Variants in MXRA8 observed in about 807,000 individuals in gnomAD.
MXRA8 encodes the protein matrix remodeling-associated protein 8.
MXRA8 carries 44 observed loss-of-function variants against 51.4 expected under a neutral mutation model. The ratio of observed to expected loss-of-function variants is 0.86; its 90% CI spans 0.67 to 1.10. The LOEUF is 1.10. MXRA8 is among the 50% of genes least tolerant of loss of function. MXRA8 has a pLI of 0.00. For synonymous variants in MXRA8, 369 were observed against 293.5 expected (o/e 1.26, Z -2.63); for missense variants, 765 against 638.9 (o/e 1.20, Z -2.13).
upstream of MXRA8, among the ~76,000 whole-genome samples, chr1:1,363,305 G>GTC (rs910730966): frequency 2.0e-5 from 3 of 152,142 alleles, no homozygotes; most frequent in African/African-American, 7.2e-5. Context: ...AAAGGACAGG[G>GTC]TCTCACTGTG....
At chr1:1,361,060 A>G (rs2100827806), upstream of MXRA8, among the ~76,000 whole-genome samples, 1 of 152,134 alleles carries the variant, frequency 6.6e-6, no homozygotes. Context: ...ACACAGATAC[A>G]TGGAAACACG....
chr1:1,360,540 C>G (rs531545236), upstream of MXRA8, among the ~76,000 whole-genome samples: 22 of 144,484 alleles, frequency 1.5e-4, no homozygotes, highest in Non-Finnish European at 2.9e-4. Context: ...TGACTTAATT[C>G]CCAGCCTGGC....
At position 1,355,347 on chromosome 1, in the gene MXRA8, T is replaced by C; in HGVS notation, c.377-2A>G. 2 of 1,572,830 alleles carry C rather than the reference T, an allele frequency of 1.3e-6. No individual in the cohort carries two copies. Among genetic ancestry groups the C allele is most frequent in the Non-Finnish European group, 1.7e-6 (2 of 1,163,706 alleles). ...GCCCCGCGTCCGTCTCCTCCACCGC[T>C]GCGCACCCAGGAGGAAGCCGCGCGT... On this transcript the variant is annotated splice_acceptor_variant, in intron 3 of 9. Transcript: ENST00000309212. LOFTEE classifies it high-confidence loss of function.
At chr1:1,363,089 A>G (rs910636024), upstream of MXRA8, among the ~76,000 whole-genome samples, 6 of 152,034 alleles carry the variant, frequency 3.9e-5, no homozygotes, top group Non-Finnish European at 8.8e-5. Context: ...CTCAAAAAAA[A>G]AAAAAGAAAG....
chr1:1,362,110 A>G (rs1257254667), upstream of MXRA8, among the ~76,000 whole-genome samples: 1 of 152,158 alleles, frequency 6.6e-6, no homozygotes, highest in Non-Finnish European at 1.5e-5. Flanking sequence ...CCCGGCAGCC[A>G]TGGCCTGCAT....
Position 1,354,107 on chromosome 1 carries a change from C to T in MXRA8, c.1146-1G>A. 2 of 1,612,932 alleles carry T rather than the reference C, an allele frequency of 1.2e-6. No individual in the cohort carries two copies. Among genetic ancestry groups the T allele is most frequent in the Non-Finnish European group, 1.7e-6 (2 of 1,179,990 alleles). On this transcript the variant is annotated splice_acceptor_variant, in intron 7 of 9. Transcript: ENST00000309212. LOFTEE classifies it high-confidence loss of function. ...GAACTCCGCCAAGTTAACATCCTTC[C>T]TGGATGGCGAGGGTGGGAGGAGGTT...
At chr1:1,362,428 G>A (rs574757232), upstream of MXRA8, among the ~76,000 whole-genome samples, 2 of 151,814 alleles carry the variant, frequency 1.3e-5, no homozygotes, top group South Asian at 4.2e-4. Flanking sequence ...CACACACATC[G>A]CCCCGGAATC....
At position 1,354,776 on chromosome 1, in the gene MXRA8, G is replaced by A; in HGVS notation, c.855C>T (p.Arg285=). The A allele has an allele frequency of 6.2e-7, 1 of 1,611,982 alleles. No homozygotes were observed. Among genetic ancestry groups the A allele is most frequent in the Non-Finnish European group, 8.5e-7 (1 of 1,179,598 alleles). ...GTTCGGCGACCGTCAGGTGGAAGAC[G>A]CGGCGTTCGTGCAGGCCACAGTAAT... The part of the protein sequence containing the change: ...HHHYCGLHER[R]VFHLTVAEPH... The change falls in exon 5 of 10, where the codon CGC becomes CGT. Residue 285 remains arginine, a synonymous_variant. Transcript: ENST00000309212.
chr1:1,361,847 C>CT (rs199616947), upstream of MXRA8: 2,038 of 161,998 alleles, frequency 0.013, 65 homozygotes, highest in African/African-American at 0.046. Context: ...CCAGGAACCC[C>CT]TGCGGGCTAA....
chr1:1,354,913 G>T lies in MXRA8; in HGVS notation c.718C>A (p.Arg240Ser). Reference protein sequence around the residue: ...ERRAYGPLFLRDRVAVGADAF... With the variant: ...ERRAYGPLFLSDRVAVGADAF... ...TCCGCGCCCACAGCCACGCGGTCGC[G>T]CAGAAAAAGGGGCCCGTAGGCGCGG... is the stretch of plus-strand genomic sequence containing the variant. Residue 240 changes from arginine to serine, a missense_variant, in exon 5 of 10, where the codon CGC becomes AGC. By Grantham distance (110) the Arg-to-Ser change is moderately radical. Transcript: ENST00000309212. 1 of 1,609,178 alleles carries T rather than the reference G, an allele frequency of 6.2e-7. No individual in the cohort carries two copies. The highest frequency in any genetic ancestry group is 8.5e-7 in the Non-Finnish European group (1 of 1,178,406).
At chr1:1,358,590 AC>A (rs1644179354), upstream of MXRA8, 1 of 1,514,144 alleles carries the variant, frequency 6.6e-7, no homozygotes, top group Admixed American at 2.2e-5. Flanking sequence ...CCTCCTTAGC[AC>A]CCGCGGTGAC....
intron 1 of MXRA8, among the ~76,000 whole-genome samples, 165 bp from the exon 2 acceptor site, chr1:1,356,869 G>T (rs939599589): frequency 8.5e-5 from 13 of 152,064 alleles, no homozygotes; most frequent in African/African-American, 3.1e-4. Context: ...AGCCCTCCCT[G>T]CCACCGTGCT....
chr1:1,355,256 CCTCCAGGCGGACGGCCA>C lies in MXRA8; in HGVS notation c.449_465del (p.Leu150ArgfsTer96). The C allele has an allele frequency of 1.3e-6, 2 of 1,565,236 alleles. No individual in the cohort carries two copies. Among genetic ancestry groups the C allele is most frequent in the Non-Finnish European group, 1.7e-6 (2 of 1,160,862 alleles). ...GGGAAGCACTCACGGCCGTCGGTGA[CCTCCAGGCGGACGGCCA>C]GGCTCTCGTAGAGGTGGCAGTAGTG... On this transcript the variant is annotated frameshift_variant, in exon 4 of 10. Transcript: ENST00000309212. LOFTEE classifies it high-confidence loss of function.
rs946194408 is a variant in MXRA8 at position 1,353,606 on chromosome 1, A to G, written c.1327T>C (p.Ter443GlnextTer101). 1 of 1,562,224 alleles carries G rather than the reference A, an allele frequency of 6.4e-7. No homozygotes were observed. Among genetic ancestry groups the G allele is most frequent in the Non-Finnish European group, 8.7e-7 (1 of 1,152,456 alleles). ...CCAGCCAGGAGCCCAGGGCCTCCCT[A>G]TTTGCAGTTCTCCTTCCGGAACCCT... ...DKGFRKENCK* is the reference protein window; with the variant it reads ...DKGFRKENCKQ Residue 443 changes from the stop codon to glutamine (Q), a stop_lost, in exon 10 of 10, where the codon TAG becomes CAG. Coordinates refer to ENST00000309212, the MANE Select transcript of MXRA8 (RefSeq NM_032348.4).
chr1:1,356,035 A>G (rs1164906406), intron 2 of MXRA8, among the ~76,000 whole-genome samples: 5 of 35,244 alleles, frequency 1.4e-4, no homozygotes, highest in East Asian at 1.0e-3. Context: ...ACCCTGGTGG[A>G]GGAGGAGGAG....
rs1156455536 is a variant in MXRA8 at position 1,354,742 on chromosome 1, C to T, written c.889G>A (p.Glu297Lys). ...CCCGGAGAGCCCCGGGGGGGCGGCTCCGCGTGGGGTTCGGCGACCGTCAGG... is the reference window on the plus strand; with the variant it reads ...CCCGGAGAGCCCCGGGGGGGCGGCTTCGCGTGGGGTTCGGCGACCGTCAGG... Reference protein sequence around the residue: ...FHLTVAEPHAEPPPRGSPGNG... With the variant: ...FHLTVAEPHAKPPPRGSPGNG... The change falls in exon 5 of 10, where the codon GAG becomes AAG. Residue 297 changes from glutamate (E) to lysine (K), a missense_variant. By Grantham distance (56) the Glu-to-Lys change is moderately conservative. Coordinates refer to ENST00000309212, the MANE Select transcript of MXRA8 (RefSeq NM_032348.4). The T allele has an allele frequency of 6.2e-7, 1 of 1,609,798 alleles. No homozygotes were observed. Among genetic ancestry groups the T allele is most frequent in the African/African-American group, 1.3e-5 (1 of 74,944 alleles).
Position 1,355,236 on chromosome 1 carries a change from GCACT to G in MXRA8, c.478+4_478+7del. 1 of 1,547,266 alleles carries G rather than the reference GCACT, an allele frequency of 6.5e-7. No homozygotes were observed. The highest frequency in any genetic ancestry group is 8.7e-7 in the Non-Finnish European group (1 of 1,153,240). ...GCGGGAGCTGGGGGGCGGGGGGGAA[GCACT>G]CACGGCCGTCGGTGACCTCCAGGCG... On this transcript the variant is annotated splice_donor_5th_base_variant and intron_variant, in intron 4 of 9. Coordinates refer to ENST00000309212, the MANE Select transcript of MXRA8 (RefSeq NM_032348.4).
Position 1,353,220 on chromosome 1 carries a change from G to A in MXRA8, c.*384C>T, listed in dbSNP as rs1413991844. The A allele has an allele frequency of 3.0e-6, 4 of 1,322,160 alleles. No individual in the cohort carries two copies. Among genetic ancestry groups the A allele is most frequent in the African/African-American group, 1.5e-5 (1 of 68,756 alleles). 81.9% of individuals were successfully genotyped at this position (1,322,160 alleles called of 1,614,324 possible). ...CCAGCCCCCGACGAGCAGAGCCCTG[G>A]AGGAGTGGGACTCCTGCCCTGAGGC... On this transcript the variant is annotated 3_prime_UTR_variant, in exon 10 of 10. Coordinates refer to ENST00000309212, the MANE Select transcript of MXRA8 (RefSeq NM_032348.4).
At chr1:1,362,318 G>A (rs112834298), upstream of MXRA8, among the ~76,000 whole-genome samples, 3,300 of 152,342 alleles carry the variant, frequency 0.022, 117 homozygotes, top group African/African-American at 0.074. Context: ...AGGCAAGAAG[G>A]TTTGAAAATA....
Sources: allele counts gnomAD v4.1 joint callset (sites outside exome capture counted in the v4.1 genomes callset), GRCh38; gene constraint gnomAD v4.1.1; transcripts MANE v1.5; gene names NCBI Gene and HGNC (gene_info 2026-07-23, HGNC 2026-07-21).